Variants in MTREX observed in about 807,000 individuals in gnomAD.
MTREX encodes Mtr4 exosome RNA helicase, also known as exosome RNA helicase MTR4.
In MTREX, 76 loss-of-function variants were observed where a neutral mutation model predicts 135.4. That is an observed-to-expected ratio of 0.56 (90% confidence interval 0.47 to 0.68). The LOEUF is 0.68. Among genes scored for constraint, MTREX ranks in the 30% least tolerant of loss-of-function variants. The pLI, the probability that MTREX is intolerant of heterozygous loss-of-function variation, is 0.00. For synonymous variants in MTREX, 404 were observed against 401.6 expected, an observed-to-expected ratio of 1.01 and a Z score of -0.07; for missense variants, 920 against 1,262.1, an observed-to-expected ratio of 0.73 and a Z score of 4.11.
At chr5:55,395,943 A>C (rs1750639165) in intron 19 of MTREX, among the ~76,000 whole-genome samples, 1 of 152,232 alleles carries the variant, frequency 6.6e-6, no homozygotes, top group Non-Finnish European at 1.5e-5. Context: ...GTGGTATAAA[A>C]GACATTATTG....
intron 5 of MTREX, among the ~76,000 whole-genome samples, chr5:55,334,556 C>T (rs1052561645): frequency 6.6e-6 from 1 of 152,076 alleles, no homozygotes; most frequent in Non-Finnish European, 1.5e-5. Flanking sequence ...CTTTTTCTGA[C>T]ACTGCTGATT....
chr5:55,368,059 A>G (rs1190754899), intron 16 of MTREX, among the ~76,000 whole-genome samples: 1 of 152,210 alleles, frequency 6.6e-6, no homozygotes, highest in African/African-American at 2.4e-5. Flanking sequence ...TGGTAATGAT[A>G]ATGCTTATAA....
At chr5:55,309,772 T>G (rs546690292) in intron 1 of MTREX, among the ~76,000 whole-genome samples, 97 of 152,286 alleles carry the variant, frequency 6.4e-4, no homozygotes, top group African/African-American at 2.2e-3. Context: ...CTCCTTGAGA[T>G]AGAGATCTCT....
chr5:55,405,145 T>C (rs1487598236), intron 21 of MTREX: 7 of 224,924 alleles, frequency 3.1e-5, no homozygotes, highest in Non-Finnish European at 6.1e-5. Flanking sequence ...CTGCTTGCTC[T>C]GCCTCAAATT....
In MTREX at chr5:55,326,223, C is replaced by T. The variant is rs527759933; in HGVS notation, c.340-1493C>T. Among the ~76,000 whole-genome samples, 10 of 152,038 alleles carry T rather than the reference C, an allele frequency of 6.6e-5. No homozygotes were observed. The East Asian group carries it at 1.7e-3, about 27-fold the overall frequency. ...ACCAGTCTGGCCAGCATGGTGAAAC[C>T]CCGTCTCTACTAAAAATACAAAAAA... On this transcript the variant is annotated intron_variant, in intron 3 of 26. Transcript: ENST00000230640.
Position 55,380,494 on chromosome 5 carries a change from G to A in MTREX, c.2052+1299G>A, listed in dbSNP as rs1579882533. Among the ~76,000 whole-genome samples, 5 of 152,192 alleles carry A rather than the reference G, an allele frequency of 3.3e-5. No individual in the cohort carries two copies. In the South Asian group the frequency reaches 8.3e-4, roughly 25 times the overall value. On this transcript the variant is annotated intron_variant, in intron 18 of 26. Transcript: ENST00000230640. ...TTTTCTCATGAAAGATAAATATTATGTCAAATATTTCTTATGTGCCTATTG... is the reference window on the plus strand; with the variant it reads ...TTTTCTCATGAAAGATAAATATTATATCAAATATTTCTTATGTGCCTATTG...
intron 18 of MTREX, among the ~76,000 whole-genome samples, chr5:55,386,636 T>G (rs1309348682): frequency 6.6e-6 from 1 of 152,122 alleles, no homozygotes; most frequent in Non-Finnish European, 1.5e-5. Flanking sequence ...TATACTTGAG[T>G]TATAATAGTC....
intron 1 of MTREX, among the ~76,000 whole-genome samples, chr5:55,317,818 A>G (rs535725190): frequency 1.2e-4 from 18 of 152,334 alleles, no homozygotes; most frequent in African/African-American, 4.3e-4. Context: ...AGCAAAAGAA[A>G]CTATCAACAG....
chr5:55,400,087 T>G (rs1429227502), intron 20 of MTREX, 146 bp from the exon 21 acceptor site: 1 of 517,224 alleles, frequency 1.9e-6, no homozygotes, highest in Non-Finnish European at 3.4e-6. Flanking sequence ...AAAAATGCCC[T>G]ATAATTTAAA....
At chr5:55,385,535 C>T (rs747793377) in intron 18 of MTREX, among the ~76,000 whole-genome samples, 3 of 152,132 alleles carry the variant, frequency 2.0e-5, no homozygotes, top group African/African-American at 7.2e-5. Context: ...CTTCACCAGT[C>T]TGGAGTTTCT....
intron 5 of MTREX, among the ~76,000 whole-genome samples, chr5:55,339,419 TTAAA>T (rs773106120): frequency 9.9e-5 from 15 of 152,200 alleles, no homozygotes; most frequent in Non-Finnish European, 2.1e-4. Flanking sequence ...GAGCTGAATC[TTAAA>T]TAAGGAGGAT....
rs750920967 is a variant in MTREX at position 55,422,902 on chromosome 5, G to A, written c.2996G>A (p.Arg999His). 6.2e-6 allele frequency: 10 copies of A among 1,613,560 alleles called. No homozygotes were observed. Among genetic ancestry groups the A allele is most frequent in the South Asian group, 2.2e-5 (2 of 90,940 alleles). Residue 999 changes from arginine (R) to histidine (H), a missense_variant, in exon 26 of 27, where the codon CGC (arginine) becomes CAC (histidine). Coordinates refer to ENST00000230640, the MANE Select transcript of MTREX (RefSeq NM_015360.5). ...FEGSIIRCMR[R>H]LEELLRQMCQ... is the part of the protein sequence containing the mutation. Reference sequence around the variant, plus strand: ...GGCAGCATAATTCGTTGTATGAGGCGCCTGGAAGAATTGCTTCGACAAATG... The same window carrying A: ...GGCAGCATAATTCGTTGTATGAGGCACCTGGAAGAATTGCTTCGACAAATG...
At chr5:55,309,155 T>G (rs898720406) in intron 1 of MTREX, among the ~76,000 whole-genome samples, 2 of 151,956 alleles carry the variant, frequency 1.3e-5, no homozygotes, top group African/African-American at 4.8e-5. Context: ...GGTGCCAAGT[T>G]TGTTTGTTTT....
At chr5:55,415,935 A>G (rs1750959154) in intron 24 of MTREX, 35 bp from the exon 25 acceptor site, 1 of 1,479,012 alleles carries the variant, frequency 6.8e-7, no homozygotes, top group Non-Finnish European at 9.2e-7. Context: ...ATGGGAGATC[A>G]TAAGTAAGGA....
Position 55,425,120 on chromosome 5 carries a change from C to A in MTREX, c.*348C>A. ...CAGAAGTCTTTAAAGGCTTGTACAC[C>A]AGGAAGAAAGATGCATCCTCTTGCC... On this transcript the variant is annotated 3_prime_UTR_variant, in exon 27 of 27. Coordinates refer to ENST00000230640, the MANE Select transcript of MTREX (RefSeq NM_015360.5). The A allele has an allele frequency of 6.7e-7, 1 of 1,490,796 alleles. No homozygotes were observed. The allele number at this position is 1,490,796 out of a possible 1,614,324, so 92.3% of individuals were successfully genotyped here. A position where few individuals can be genotyped will look rare whatever the true frequency, so the allele number is the denominator to read the frequency against.
intron 19 of MTREX, among the ~76,000 whole-genome samples, chr5:55,396,155 A>G (rs1302799445): frequency 6.6e-6 from 1 of 152,204 alleles, no homozygotes; most frequent in African/African-American, 2.4e-5. Flanking sequence ...GTAAACTTGG[A>G]ATTCTGTGAA....
chr5:55,424,795 T>C lies in MTREX; in HGVS notation c.*23T>C. 1 of 1,562,516 alleles carries C rather than the reference T, an allele frequency of 6.4e-7. No individual in the cohort carries two copies. The highest frequency in any genetic ancestry group is 1.1e-5 in the South Asian group (1 of 89,812). ...TAGAGTCAGCTAAAGGAATGTGAGA[T>C]TTTAAATTATTGACCACCTGTTTGA... On this transcript the variant is annotated 3_prime_UTR_variant, in exon 27 of 27. Transcript: ENST00000230640.
At chr5:55,384,422 T>C (rs1750446654) in intron 18 of MTREX, among the ~76,000 whole-genome samples, 1 of 152,246 alleles carries the variant, frequency 6.6e-6, no homozygotes, top group Non-Finnish European at 1.5e-5. Context: ...TTGTACCTTT[T>C]ACTTCATTAA....
At chr5:55,354,346 G>T (rs1230652949) in intron 14 of MTREX, among the ~76,000 whole-genome samples, 3 of 152,180 alleles carry the variant, frequency 2.0e-5, no homozygotes, top group Non-Finnish European at 2.9e-5. Context: ...TAAGCAGACA[G>T]TAGAATATTG....
Sources: allele counts gnomAD v4.1 joint callset (sites outside exome capture counted in the v4.1 genomes callset), GRCh38; gene constraint gnomAD v4.1.1; transcripts MANE v1.5; gene names NCBI Gene and HGNC (gene_info 2026-07-23, HGNC 2026-07-21).